PCDH9: variants seen among roughly 807,000 people sequenced by gnomAD.
PCDH9 encodes the protein protocadherin 9.
In PCDH9, 24 loss-of-function variants were observed where a neutral mutation model predicts 70.6. The observed-to-expected ratio is 0.34, with a 90% CI of 0.25 to 0.48. The LOEUF is 0.48. PCDH9 is among the 20% of genes least tolerant of loss of function. PCDH9 has a pLI of 0.99. For missense variants in PCDH9, 1,281 were observed against 1,503.6 expected (o/e 0.85, Z 2.45); for synonymous variants, 562 against 558.5 (o/e 1.01, Z -0.09).
intron 2 of PCDH9, among the ~76,000 whole-genome samples, chr13:67,143,056 C>G (rs2087436393): frequency 6.6e-6 from 1 of 151,690 alleles, no homozygotes; most frequent in Non-Finnish European, 1.5e-5. Context: ...AAAACAAAAA[C>G]TTAAAAATAA....
intron 4 of PCDH9, among the ~76,000 whole-genome samples, chr13:66,488,144 C>A (rs771046455): frequency 2.0e-5 from 3 of 152,070 alleles, no homozygotes; most frequent in Non-Finnish European, 4.4e-5. Flanking sequence ...CAAATTTATG[C>A]CGACACTATA....
At chr13:66,564,725 C>T (rs1468653300) in intron 4 of PCDH9, among the ~76,000 whole-genome samples, 2 of 152,076 alleles carry the variant, frequency 1.3e-5, no homozygotes, top group African/African-American at 4.8e-5. Flanking sequence ...TGCTGAAATT[C>T]TAACACATTT....
intron 3 of PCDH9, among the ~76,000 whole-genome samples, chr13:66,806,456 G>A (rs1317845750): frequency 6.6e-6 from 1 of 152,110 alleles, no homozygotes; most frequent in African/African-American, 2.4e-5. Context: ...TGTTGGAACA[G>A]GCCCATCTGC....
At chr13:66,924,226 A>C (rs534691701) in intron 2 of PCDH9, among the ~76,000 whole-genome samples, 8 of 151,980 alleles carry the variant, frequency 5.3e-5, no homozygotes, top group Non-Finnish European at 1.0e-4. Flanking sequence ...ATTCAACAAC[A>C]TATCTATTCT....
At chr13:66,723,520 T>C (rs1471509460) in intron 3 of PCDH9, among the ~76,000 whole-genome samples, 1 of 152,204 alleles carries the variant, frequency 6.6e-6, no homozygotes, top group Non-Finnish European at 1.5e-5. Context: ...GTTTAAAAAT[T>C]CAATTGCAAA....
chr13:67,114,438 T>C lies in PCDH9; in HGVS notation c.3036+110967A>G, dbSNP rs192712068. ...AAGTTTCAAATTGTAGAAAAAAATA[T>C]TTTCACTTACTTTCAATGAGGCATC... is the stretch of plus-strand genomic sequence containing the variant. On this transcript the variant is annotated intron_variant, in intron 2 of 4. Coordinates refer to ENST00000377865, the MANE Select transcript of PCDH9 (RefSeq NM_203487.3). Among the ~76,000 whole-genome samples, 203 of 152,310 alleles carry C rather than the reference T, an allele frequency of 1.3e-3. 1 individual carries two copies. The highest frequency in any genetic ancestry group is 4.5e-3 in the African/African-American group (186 of 41,578).
chr13:66,521,131 A>C (rs1276294638), intron 4 of PCDH9, among the ~76,000 whole-genome samples: 1 of 152,140 alleles, frequency 6.6e-6, no homozygotes, highest in African/African-American at 2.4e-5. Context: ...CCAAAGATTA[A>C]TGAGCAATCA....
chr13:66,703,135 G>T (rs2078668321), intron 3 of PCDH9, among the ~76,000 whole-genome samples: 1 of 152,230 alleles, frequency 6.6e-6, no homozygotes, highest in South Asian at 2.1e-4. Context: ...GTTTTAAAAT[G>T]AATAGCAGCA....
At chr13:66,775,830 C>T (rs1321991578) in intron 3 of PCDH9, among the ~76,000 whole-genome samples, 1 of 152,116 alleles carries the variant, frequency 6.6e-6, no homozygotes, top group Admixed American at 6.6e-5. Flanking sequence ...AATGTTGACA[C>T]CCCTAACTCC....
At chr13:67,165,040 C>G (rs1186110046) in intron 2 of PCDH9, among the ~76,000 whole-genome samples, 1 of 151,552 alleles carries the variant, frequency 6.6e-6, no homozygotes, top group Admixed American at 6.6e-5. Context: ...GAAACAGGGC[C>G]ACAAAAAAGT....
At chr13:66,444,884 TGGAGCCAAGAGCA>T (rs1478048282) in intron 4 of PCDH9, among the ~76,000 whole-genome samples, 1 of 151,848 alleles carries the variant, frequency 6.6e-6, no homozygotes, top group Non-Finnish European at 1.5e-5. Flanking sequence ...TTATGAGAAC[TGGAGCCAAGAGCA>T]GTATCAATGA....
At chr13:67,004,416 C>A (rs2084307222) in intron 2 of PCDH9, among the ~76,000 whole-genome samples, 1 of 151,550 alleles carries the variant, frequency 6.6e-6, no homozygotes, top group South Asian at 2.1e-4. Flanking sequence ...ACTAAAAATC[C>A]AAAAATTAGC....
At chr13:66,468,792 C>A (rs1958561998) in intron 4 of PCDH9, among the ~76,000 whole-genome samples, 1 of 152,046 alleles carries the variant, frequency 6.6e-6, no homozygotes, top group Non-Finnish European at 1.5e-5. Context: ...TTGAACAAAG[C>A]TGTGAGTATA....
At chr13:66,669,544 C>T (rs2078143638) in intron 3 of PCDH9, among the ~76,000 whole-genome samples, 1 of 152,016 alleles carries the variant, frequency 6.6e-6, no homozygotes, top group Admixed American at 6.6e-5. Flanking sequence ...AAAATGGAGC[C>T]GATGTTCTCA....
chr13:66,532,384 G>A (rs1420091489), intron 4 of PCDH9, among the ~76,000 whole-genome samples: 1 of 151,936 alleles, frequency 6.6e-6, no homozygotes, highest in African/African-American at 2.4e-5. Context: ...GTCTAAATAA[G>A]GATTGGAAAA....
Position 66,966,077 on chromosome 13 carries a change from G to A in PCDH9, c.3037-62472C>T, listed in dbSNP as rs1329026769. On this transcript the variant is annotated intron_variant, in intron 2 of 4. Coordinates refer to ENST00000377865, the MANE Select transcript of PCDH9 (RefSeq NM_203487.3). ...TGCATGCCATATTTTAAAAAAATAT[G>A]TATCATATATTTACTTGGCTCTTCT... Among the ~76,000 whole-genome samples, 8 of 152,156 alleles carry A rather than the reference G, an allele frequency of 5.3e-5. No homozygotes were observed. The South Asian group carries it at 1.7e-3, about 32-fold the overall frequency.
chr13:66,714,331 G>T (rs2078840180), intron 3 of PCDH9, among the ~76,000 whole-genome samples: 1 of 151,920 alleles, frequency 6.6e-6, no homozygotes, highest in African/African-American at 2.4e-5. Flanking sequence ...CAGGCGTGGT[G>T]GCGGGTGCCT....
At chr13:66,485,961 C>G (rs947545102) in intron 4 of PCDH9, among the ~76,000 whole-genome samples, 6 of 152,066 alleles carry the variant, frequency 3.9e-5, no homozygotes, top group Non-Finnish European at 8.8e-5. Flanking sequence ...CTCCTGACTT[C>G]AGGTGATCCA....
Position 67,226,262 on chromosome 13 carries a change from G to A in PCDH9, c.2179C>T (p.Arg727Trp). 1 of 1,614,098 alleles carries A rather than the reference G, an allele frequency of 6.2e-7. No homozygotes were observed. The highest frequency in any genetic ancestry group is 1.1e-5 in the South Asian group (1 of 91,080). ...IVSGNNKGLF[R>W]IDPVTGNITL... ...ATGTTACCTGTTACTGGATCAATCC[G>A]GAATAAGCCTTTATTGTTTCCACTC... The change falls in exon 2 of 5, where the codon CGG (arginine) becomes TGG (tryptophan). Residue 727 changes from arginine to tryptophan, a missense_variant. Coordinates refer to ENST00000377865, the MANE Select transcript of PCDH9 (RefSeq NM_203487.3). The surrounding 1 kb of genome is among the most constrained non-coding windows in gnomAD (Gnocchi z 5.0).
Sources: gnomAD v4.1 joint callset for allele counts (sites outside exome capture counted in the v4.1 genomes callset) on GRCh38, gnomAD v4.1.1 for gene constraint, Gnocchi (gnomAD v3.1) non-coding constraint, MANE v1.5 for transcripts, NCBI Gene and HGNC (gene_info 2026-07-23, HGNC 2026-07-21) for gene names.